Variants in RYR2 observed in about 807,000 individuals in gnomAD.
The protein encoded by RYR2 is ryanodine receptor 2, also known as cardiac muscle ryanodine receptor-calcium release channel.
RYR2 carries 227 observed loss-of-function variants against 601.1 expected under a neutral mutation model. The observed-to-expected ratio is 0.38, with a 90% confidence interval of 0.34 to 0.42. The LOEUF is 0.42. RYR2 is among the 10% of genes least tolerant of loss of function. The pLI, the probability that RYR2 is intolerant of heterozygous loss-of-function variation, is 1.00. For synonymous variants in RYR2, 2,223 were observed against 2,175.1 expected (o/e 1.02, Z -0.61); for missense variants, 4,646 against 6,156.5 (o/e 0.75, Z 8.21).
chr1:237,375,288 A>G (rs907274233), intron 7 of RYR2, among the ~76,000 whole-genome samples: 5 of 152,232 alleles, frequency 3.3e-5, no homozygotes, highest in African/African-American at 9.6e-5. Flanking sequence ...AAAAATGTAT[A>G]TATTAACACT....
At chr1:237,044,785 C>A (rs6428984) in intron 1 of RYR2, among the ~76,000 whole-genome samples, 1 of 148,600 alleles carries the variant, frequency 6.7e-6, no homozygotes. Context: ...CCCCACCCCC[C>A]TTTTTTTTCT....
At chr1:237,594,902 T>TTTTTTTTG (rs1675679927) in intron 33 of RYR2, among the ~76,000 whole-genome samples, 4 of 26,076 alleles carry the variant, frequency 1.5e-4, no homozygotes, top group Non-Finnish European at 7.4e-4. Flanking sequence ...TTTTTTTTTT[T>TTTTTTTTG]TTTTTTTTTT....
chr1:237,541,950 T>G (rs926275653), intron 25 of RYR2, among the ~76,000 whole-genome samples: 13 of 152,206 alleles, frequency 8.5e-5, no homozygotes, highest in African/African-American at 2.9e-4. Context: ...ATTCTTCAGT[T>G]ACTTCAGGCC....
rs1014913747 is a variant in RYR2, at chr1:237,042,188, G to A, written c.-334G>A. 51 of 147,422 alleles carry A rather than the reference G, an allele frequency of 3.5e-4. No homozygotes were observed. The highest frequency in any genetic ancestry group is 5.5e-4 in the Non-Finnish European group (37 of 67,858). The allele number at this position is 147,422 out of a possible 1,614,324, so 9.1% of individuals were successfully genotyped here. A position where few individuals can be genotyped will look rare whatever the true frequency, so the allele number is the denominator to read the frequency against. On this transcript the variant is annotated 5_prime_UTR_variant, in exon 1 of 105. Coordinates refer to ENST00000366574, the MANE Select transcript of RYR2 (RefSeq NM_001035.3). Reference sequence around the variant, plus strand: ...CCGGCTCAGCTGGCTCCGCGCACTTGCTCGGAGGAGCCGGGGCCGAGCGGA... The same window carrying A: ...CCGGCTCAGCTGGCTCCGCGCACTTACTCGGAGGAGCCGGGGCCGAGCGGA...
intron 1 of RYR2, 145 bp from the exon 2 acceptor site, chr1:237,270,352 C>CT: frequency 8.4e-7 from 1 of 1,188,476 alleles, no homozygotes; most frequent in Non-Finnish European, 1.2e-6. Context: ...GTAGGGGTTT[C>CT]TTTTGGTTGT....
chr1:237,741,800 C>T (rs1028965523), intron 79 of RYR2, among the ~76,000 whole-genome samples: 2 of 152,080 alleles, frequency 1.3e-5, no homozygotes. Flanking sequence ...CAGGGTTTCA[C>T]CATGTTGTTC....
At chr1:237,251,345 A>G (rs1432017704) in intron 1 of RYR2, among the ~76,000 whole-genome samples, 1 of 152,132 alleles carries the variant, frequency 6.6e-6, no homozygotes, top group Non-Finnish European at 1.5e-5. Context: ...CCACAGCTCC[A>G]CTGAAATGGC....
At chr1:237,797,964 TG>T (rs1476875205) in intron 96 of RYR2, 72 bp from the exon 97 acceptor site, 12 of 1,277,576 alleles carry the variant, frequency 9.4e-6, no homozygotes, top group South Asian at 2.9e-5. Flanking sequence ...AATAATTAGA[TG>T]TTTTATACAC....
At chr1:237,421,236 C>T (rs2150049205) in intron 11 of RYR2, among the ~76,000 whole-genome samples, 1 of 152,204 alleles carries the variant, frequency 6.6e-6, no homozygotes, top group African/African-American at 2.4e-5. Flanking sequence ...GAGACTCCGT[C>T]TCAAAATAAA....
chr1:237,779,741 C>T (rs1416951104), intron 88 of RYR2, among the ~76,000 whole-genome samples: 2 of 152,172 alleles, frequency 1.3e-5, no homozygotes, highest in East Asian at 1.9e-4. Context: ...ACTAGTTAAG[C>T]GAATAAGGAC....
chr1:237,302,123 A>G (rs1693412955), intron 2 of RYR2, among the ~76,000 whole-genome samples: 1 of 152,208 alleles, frequency 6.6e-6, no homozygotes, highest in Non-Finnish European at 1.5e-5. Context: ...CACTGCACTC[A>G]TAAAACTTAG....
chr1:237,603,912 A>G (rs1439549288), intron 35 of RYR2, among the ~76,000 whole-genome samples: 1 of 152,224 alleles, frequency 6.6e-6, no homozygotes, highest in Non-Finnish European at 1.5e-5. Flanking sequence ...GAGCACCCAG[A>G]TTCATAAAGC....
intron 2 of RYR2, among the ~76,000 whole-genome samples, chr1:237,305,595 C>G (rs1693791704): frequency 6.6e-6 from 1 of 152,136 alleles, no homozygotes; most frequent in Non-Finnish European, 1.5e-5. Flanking sequence ...CCAAGCTGGG[C>G]TAATTTTTGT....
intron 1 of RYR2, among the ~76,000 whole-genome samples, chr1:237,138,524 G>T (rs1362613276): frequency 1.3e-5 from 2 of 152,064 alleles, no homozygotes; most frequent in African/African-American, 2.4e-5. Flanking sequence ...AAAAATAAGT[G>T]GGAAATTTTT....
chr1:237,524,076 A>G (rs1667345732), intron 24 of RYR2, among the ~76,000 whole-genome samples: 1 of 152,236 alleles, frequency 6.6e-6, no homozygotes, highest in Non-Finnish European at 1.5e-5. Flanking sequence ...CAAGAGAAAT[A>G]AAAGCTTATG....
chr1:237,271,931 A>C (rs181994521), intron 2 of RYR2, among the ~76,000 whole-genome samples: 111 of 152,210 alleles, frequency 7.3e-4, no homozygotes, highest in African/African-American at 2.5e-3. Context: ...GGAGTTCAAG[A>C]CCGGTCTGGC....
intron 91 of RYR2, among the ~76,000 whole-genome samples, chr1:237,786,748 A>G (rs1657632842): frequency 1.3e-5 from 2 of 152,222 alleles, no homozygotes; most frequent in Non-Finnish European, 2.9e-5. Context: ...AGTTGGGGGA[A>G]GAAAGAAAGG....
intron 44 of RYR2, among the ~76,000 whole-genome samples, chr1:237,636,451 C>T (rs1164413935): frequency 6.6e-6 from 1 of 151,844 alleles, no homozygotes; most frequent in Non-Finnish European, 1.5e-5. Flanking sequence ...GACATGTTTC[C>T]CCCGTATAGT....
intron 40 of RYR2, among the ~76,000 whole-genome samples, chr1:237,626,995 A>G (rs1679744618): frequency 6.6e-6 from 1 of 152,110 alleles, no homozygotes; most frequent in Admixed American, 6.5e-5. Context: ...TGCATTTTGT[A>G]TTTGGTTAAA....
Sources: gnomAD v4.1 joint callset for allele counts (sites outside exome capture counted in the v4.1 genomes callset) on GRCh38, gnomAD v4.1.1 for gene constraint, MANE v1.5 for transcripts, NCBI Gene and HGNC (gene_info 2026-07-23, HGNC 2026-07-21) for gene names.